The following PHACTR3 variants were observed in gnomAD, a reference collection of about 807,000 sequenced individuals.
PHACTR3 encodes the protein protein phosphatase 1, regulatory subunit 123.
Under a neutral mutation model 66.8 loss-of-function variants are expected in PHACTR3, and 16 were observed. The observed-to-expected ratio is 0.24, with a 90% CI of 0.16 to 0.36. PHACTR3 has a LOEUF of 0.36. PHACTR3 is among the 10% of genes least tolerant of loss of function. PHACTR3 has a pLI of 1.00. For synonymous variants in PHACTR3, 323 were observed against 292.1 expected (o/e 1.11, Z -1.08); for missense variants, 647 against 719.9 (o/e 0.90, Z 1.16).
In PHACTR3 at chr20:59,799,095, TA is replaced by T. The variant is rs142986165; in HGVS notation, c.1175-6945del. On this transcript the variant is annotated intron_variant, in intron 7 of 12. Transcript: ENST00000371015. ...CCAAATATGTGGGTTTTTTTAGAGG[TA>T]TTTTTTTTTGTTATTGATTGCCAAT... Among the ~76,000 whole-genome samples, 638 of 152,202 alleles carry T rather than the reference TA, an allele frequency of 4.2e-3. 2 individuals are homozygous for T. The highest frequency in any genetic ancestry group is 0.014 in the African/African-American group (599 of 41,532).
intron 1 of PHACTR3, among the ~76,000 whole-genome samples, chr20:59,713,872 T>A (rs768413795): frequency 5.3e-5 from 8 of 152,168 alleles, no homozygotes; most frequent in Non-Finnish European, 4.4e-5. Context: ...CACAGCAGCA[T>A]GGAAGTTCTA....
chr20:59,714,467 G>A (rs2038020967), intron 1 of PHACTR3, among the ~76,000 whole-genome samples: 1 of 152,208 alleles, frequency 6.6e-6, no homozygotes, highest in Non-Finnish European at 1.5e-5. Flanking sequence ...CTGCACAGCT[G>A]TGTTCTTTTC....
chr20:59,581,953 G>T lies in PHACTR3; in HGVS notation c.109+4336G>T, dbSNP rs564549858. Among the ~76,000 whole-genome samples the T allele has an allele frequency of 4.5e-4, 68 of 151,802 alleles. No individual in the cohort carries two copies. In the South Asian group the frequency reaches 0.011, roughly 24 times the overall value. On this transcript the variant is annotated intron_variant, in intron 1 of 12. Coordinates refer to the PHACTR3 transcript ENST00000359926. Reference sequence around the variant, plus strand: ...TTTTATGGGATGAATGGATAATGTGGTCTCCAGCTCAGGGGATAAGTTTTT... The same window carrying T: ...TTTTATGGGATGAATGGATAATGTGTTCTCCAGCTCAGGGGATAAGTTTTT...
chr20:59,715,151 C>T (rs1210860062), intron 1 of PHACTR3, among the ~76,000 whole-genome samples: 1 of 152,018 alleles, frequency 6.6e-6, no homozygotes, highest in Non-Finnish European at 1.5e-5. Context: ...CCTTGTTGTT[C>T]TGGTTAAAAC....
intron 1 of PHACTR3, among the ~76,000 whole-genome samples, chr20:59,733,057 T>G (rs6015564): frequency 0.16 from 23,687 of 146,880 alleles, 2,326 homozygotes; most frequent in African/African-American, 0.27. Context: ...TTCCCTTTTT[T>G]GAATAAATTC....
intron 1 of PHACTR3, among the ~76,000 whole-genome samples, chr20:59,657,297 T>G (rs1197605434): frequency 6.6e-6 from 1 of 151,646 alleles, no homozygotes; most frequent in Non-Finnish European, 1.5e-5. Context: ...GTGTGTTATT[T>G]TATGCAATTG....
intron 1 of PHACTR3, among the ~76,000 whole-genome samples, chr20:59,740,180 C>T (rs990271661): frequency 2.6e-5 from 4 of 152,202 alleles, no homozygotes; most frequent in African/African-American, 9.6e-5. Context: ...CCTGCACTGG[C>T]ATGGTATGTT....
intron 9 of PHACTR3, among the ~76,000 whole-genome samples, chr20:59,838,671 ATCT>A (rs2059007667): frequency 6.6e-6 from 1 of 152,252 alleles, no homozygotes; most frequent in South Asian, 2.1e-4. Flanking sequence ...TCCATTGCCC[ATCT>A]TCTTAACTAC....
intron 1 of PHACTR3, among the ~76,000 whole-genome samples, chr20:59,663,911 T>G (rs957405678): frequency 6.6e-6 from 1 of 152,250 alleles, no homozygotes; most frequent in Non-Finnish European, 1.5e-5. Context: ...GCATTATGTA[T>G]AACGATTATA....
rs1425502668 is a variant in PHACTR3, at chr20:59,703,175, C to T, written c.119-39932C>T. Among the ~76,000 whole-genome samples, 5 of 152,118 alleles carry T rather than the reference C, an allele frequency of 3.3e-5. No homozygotes were observed. In the East Asian group the frequency reaches 5.8e-4, roughly 18 times the overall value. ...GCCGACATAATTCCCATTTTCTTGT[C>T]AGTACTTCCAAGCATGAATAGCCTT... On this transcript the variant is annotated intron_variant, in intron 1 of 12. Transcript: ENST00000371015.
intron 4 of PHACTR3, among the ~76,000 whole-genome samples, chr20:59,765,797 A>G (rs2040159633): frequency 6.6e-6 from 1 of 152,212 alleles, no homozygotes; most frequent in South Asian, 2.1e-4. Context: ...ACAGCAGCTG[A>G]TAGATGAATG....
At chr20:59,588,532 T>G (rs746003295) in intron 1 of PHACTR3, among the ~76,000 whole-genome samples, 1 of 152,200 alleles carries the variant, frequency 6.6e-6, no homozygotes, top group Non-Finnish European at 1.5e-5. Context: ...CTGGGTTTCC[T>G]GTTTCTCCCA....
intron 7 of PHACTR3, among the ~76,000 whole-genome samples, chr20:59,784,553 G>A (rs190812201): frequency 7.9e-5 from 12 of 152,274 alleles, no homozygotes; most frequent in South Asian, 2.1e-4. Flanking sequence ...GAGCCTGGGC[G>A]TGGAGATGAG....
intron 3 of PHACTR3, among the ~76,000 whole-genome samples, chr20:59,753,221 C>T (rs899242166): frequency 1.3e-5 from 2 of 152,128 alleles, no homozygotes; most frequent in African/African-American, 4.8e-5. Context: ...GTCACAATGG[C>T]CATCTGCGCC....
In PHACTR3 at chr20:59,763,554, G is replaced by A. The variant is rs557610577; in HGVS notation, c.542-3632G>A. Among the ~76,000 whole-genome samples the A allele has an allele frequency of 1.4e-3, 212 of 152,368 alleles. 4 individuals are homozygous for A. The highest frequency in any genetic ancestry group is 4.8e-3 in the African/African-American group (199 of 41,584). ...TGGGGACCAAGATTCAAGTTTGGATGTGATTGGCCTCCAGATGGAGATGCC... is the reference window on the plus strand; with the variant it reads ...TGGGGACCAAGATTCAAGTTTGGATATGATTGGCCTCCAGATGGAGATGCC... On this transcript the variant is annotated intron_variant, in intron 4 of 12. Transcript: ENST00000371015.
intron 1 of PHACTR3, among the ~76,000 whole-genome samples, chr20:59,711,134 A>G (rs936461079): frequency 7.2e-5 from 11 of 152,070 alleles, no homozygotes; most frequent in African/African-American, 1.2e-4. Context: ...TGTCTTGAAA[A>G]TTTTTTGGTA....
chr20:59,625,718 G>A (rs2034422337), intron 1 of PHACTR3, among the ~76,000 whole-genome samples: 1 of 152,104 alleles, frequency 6.6e-6, no homozygotes, highest in African/African-American at 2.4e-5. Context: ...CCCTGCGGAG[G>A]CATGCAGGCT....
intron 1 of PHACTR3, among the ~76,000 whole-genome samples, chr20:59,587,820 C>T (rs2033078959): frequency 6.6e-6 from 1 of 152,254 alleles, no homozygotes; most frequent in African/African-American, 2.4e-5. Context: ...AGGCCACTGC[C>T]TTCCCTGGCT....
chr20:59,675,193 C>G (rs910889944), intron 1 of PHACTR3, among the ~76,000 whole-genome samples: 2 of 138,460 alleles, frequency 1.4e-5, no homozygotes, highest in Admixed American at 1.5e-4. Flanking sequence ...TTACCCCTCT[C>G]CCTCCCTGTC....
Sources: gnomAD v4.1 joint callset for allele counts (sites outside exome capture counted in the v4.1 genomes callset) on GRCh38, gnomAD v4.1.1 for gene constraint, MANE v1.5 for transcripts, NCBI Gene and HGNC (gene_info 2026-07-23, HGNC 2026-07-21) for gene names.